YWHAE: variants seen among roughly 807,000 people sequenced by gnomAD.
YWHAE encodes the protein tyrosine 3-monooxygenase/tryptophan 5-monooxygenase activation protein epsilon, also known as 14-3-3 protein epsilon.
In YWHAE, 4 loss-of-function variants were observed where a neutral mutation model predicts 30.1. That is an observed-to-expected ratio of 0.13 (90% CI 0.07 to 0.30). The LOEUF (loss-of-function observed/expected upper bound fraction) is 0.30. YWHAE is among the 10% of genes least tolerant of loss of function. The pLI, the probability that YWHAE is intolerant of heterozygous loss-of-function variation, is 1.00. For missense variants in YWHAE, 121 were observed against 315.9 expected, an observed-to-expected ratio of 0.38 and a Z score of 4.68; for synonymous variants, 118 against 111.8, an observed-to-expected ratio of 1.06 and a Z score of -0.35.
rs11348283 is a variant in YWHAE, at chr17:1,347,171, CAAAA to C, written c.716-1676_716-1673del. On this transcript the variant is annotated intron_variant, in intron 5 of 5. Coordinates refer to ENST00000264335, the MANE Select transcript of YWHAE (RefSeq NM_006761.5). ...TGAAACCCTGTCTCTACTAAAAATA[CAAAA>C]AAAAAAAAAAAAAATTAGCCAGGCA... 1.4e-4 allele frequency among the ~76,000 whole-genome samples: 18 copies of C among 125,456 alleles called. No homozygotes were observed. The East Asian group carries it at 1.6e-3, about 11-fold the overall frequency. The allele number at this position is 125,456 out of a possible 152,430, so 82.3% of individuals were successfully genotyped here.
Position 1,347,372 on chromosome 17 carries a change from T to G in YWHAE, c.716-1873A>C, listed in dbSNP as rs538454765. On this transcript the variant is annotated intron_variant, in intron 5 of 5. Coordinates refer to ENST00000264335, the MANE Select transcript of YWHAE (RefSeq NM_006761.5). ...TACATACGCTGGGCATGGGGCCACA[T>G]GTCTATAGTCCCAGCTACTTGGGGG... Among the ~76,000 whole-genome samples the G allele has an allele frequency of 7.4e-5, 11 of 149,040 alleles. No individual in the cohort carries two copies. The South Asian group carries it at 2.4e-3, about 32-fold the overall frequency.
chr17:1,354,236 T>G lies in YWHAE; in HGVS notation c.690A>C (p.Leu230=). The G allele has an allele frequency of 6.2e-7, 1 of 1,614,010 alleles. No individual in the cohort carries two copies. The highest frequency in any genetic ancestry group is 8.5e-7 in the Non-Finnish European group (1 of 1,179,968). ...IMQLLRDNLT[L]WTSDMQGDGE... is the part of the protein sequence containing the mutation. Reference sequence around the variant, plus strand: ...CGTCACCCTGCATGTCTGAAGTCCATAGTGTCAGATTATCACGTAACAACT... The same window carrying G: ...CGTCACCCTGCATGTCTGAAGTCCAGAGTGTCAGATTATCACGTAACAACT... The change falls in exon 5 of 6, where the codon CTA becomes CTC. Residue 230 remains leucine, a synonymous_variant. Transcript: ENST00000264335.
chr17:1,353,107 C>G (rs1224539756), intron 5 of YWHAE, among the ~76,000 whole-genome samples: 2 of 152,136 alleles, frequency 1.3e-5, no homozygotes, highest in African/African-American at 2.4e-5. Context: ...ATTAAGTTTA[C>G]TAAAATACTC....
chr17:1,364,206 C>T (rs2072907754), intron 2 of YWHAE, among the ~76,000 whole-genome samples: 1 of 144,670 alleles, frequency 6.9e-6, no homozygotes, highest in South Asian at 2.2e-4. Flanking sequence ...GACAAATTAA[C>T]CCAATATATT....
At chr17:1,394,445 A>AAAAAAAAAACAAACAAAAAAC (rs1567987794) in intron 1 of YWHAE, among the ~76,000 whole-genome samples, 2 of 142,504 alleles carry the variant, frequency 1.4e-5, no homozygotes, top group African/African-American at 5.9e-5. Flanking sequence ...ACAAAAAAAA[A>AAAAAAAAAACAAACAAAAAAC]AAAAAAAAAA....
chr17:1,358,577 T>C (rs541183950), intron 4 of YWHAE, among the ~76,000 whole-genome samples: 54 of 148,964 alleles, frequency 3.6e-4, no homozygotes, highest in African/African-American at 1.2e-3. Flanking sequence ...CAGTGGCTCA[T>C]GCCTGTAATC....
chr17:1,391,806 CAA>C (rs368843553), intron 1 of YWHAE, among the ~76,000 whole-genome samples: 1 of 150,818 alleles, frequency 6.6e-6, no homozygotes, highest in Non-Finnish European at 1.5e-5. Flanking sequence ...CCCGTCTCCA[CAA>C]AAAAAAAGTT....
At chr17:1,382,033 G>A (rs1025603936) in intron 1 of YWHAE, among the ~76,000 whole-genome samples, 2 of 151,376 alleles carry the variant, frequency 1.3e-5, no homozygotes, top group African/African-American at 4.9e-5. Context: ...AGTTACTTGC[G>A]GCATAAGTAG....
intron 4 of YWHAE, among the ~76,000 whole-genome samples, chr17:1,356,163 C>G (rs1429392544): frequency 7.3e-6 from 1 of 136,508 alleles, no homozygotes. Context: ...AGCAAGACTC[C>G]GTCTAAAAAC....
chr17:1,370,142 T>G lies in YWHAE; in HGVS notation c.65-5084A>C, dbSNP rs1039114950. On this transcript the variant is annotated intron_variant, in intron 1 of 5. Coordinates refer to ENST00000264335, the MANE Select transcript of YWHAE (RefSeq NM_006761.5). ...AACTTTTTTTTTTTTTTTTTTTTTTTTTTGAGACGGAGTCTCGCTCTGTCA... is the reference window on the plus strand; with the variant it reads ...AACTTTTTTTTTTTTTTTTTTTTTTGTTTGAGACGGAGTCTCGCTCTGTCA... Among the ~76,000 whole-genome samples the G allele has an allele frequency of 7.6e-5, 11 of 145,354 alleles. No individual in the cohort carries two copies. In the South Asian group the frequency reaches 8.8e-4, roughly 12 times the overall value.
intron 1 of YWHAE, among the ~76,000 whole-genome samples, chr17:1,390,178 T>C (rs1457850256): frequency 1.3e-5 from 2 of 152,122 alleles, no homozygotes; most frequent in Non-Finnish European, 1.5e-5. Context: ...TCATCCCAAA[T>C]TCAGACAAAA....
At chr17:1,370,367 G>A (rs1350125690) in intron 1 of YWHAE, among the ~76,000 whole-genome samples, 6 of 151,794 alleles carry the variant, frequency 4.0e-5, no homozygotes, top group Admixed American at 2.6e-4. Flanking sequence ...TCCTGACCTT[G>A]TGATCCGCCC....
intron 4 of YWHAE, among the ~76,000 whole-genome samples, chr17:1,358,829 T>TAAAAAA (rs35681702): frequency 9.0e-6 from 1 of 111,352 alleles, no homozygotes. Flanking sequence ...GACTCCATCT[T>TAAAAAA]AAAAAAAAAA....
intron 1 of YWHAE, among the ~76,000 whole-genome samples, chr17:1,379,662 T>C (rs1379695398): frequency 6.6e-6 from 1 of 152,128 alleles, no homozygotes; most frequent in Non-Finnish European, 1.5e-5. Context: ...GCAAGAATAG[T>C]GATCACTAGT....
At chr17:1,367,016 G>T (rs2072955951) in intron 1 of YWHAE, among the ~76,000 whole-genome samples, 1 of 151,862 alleles carries the variant, frequency 6.6e-6, no homozygotes, top group Non-Finnish European at 1.5e-5. Flanking sequence ...AGGAAAATAT[G>T]TTTCAAAAAT....
chr17:1,348,913 C>G (rs892354495), intron 5 of YWHAE, among the ~76,000 whole-genome samples: 3 of 151,636 alleles, frequency 2.0e-5, no homozygotes, highest in African/African-American at 4.9e-5. Context: ...GTAGTCCCAG[C>G]TACCAGGAAG....
At chr17:1,387,956 C>T (rs1468161633) in intron 1 of YWHAE, among the ~76,000 whole-genome samples, 1 of 131,378 alleles carries the variant, frequency 7.6e-6, no homozygotes, top group African/African-American at 2.9e-5. Context: ...GACGGAGTCT[C>T]ACTCTGTCGT....
In YWHAE at chr17:1,357,479, C is replaced by T. The variant is rs987152633; in HGVS notation, c.579-3132G>A. Among the ~76,000 whole-genome samples, 22 of 151,464 alleles carry T rather than the reference C, an allele frequency of 1.5e-4. No homozygotes were observed. The East Asian group carries it at 4.3e-3, about 29-fold the overall frequency. ...CCTGTAGTACCAGCTACTTGGGAGG[C>T]TGAGGCGAGAGAATCGCCTGAACCC... On this transcript the variant is annotated intron_variant, in intron 4 of 5. Coordinates refer to ENST00000264335, the MANE Select transcript of YWHAE (RefSeq NM_006761.5).
At chr17:1,367,014 A>T (rs891555288) in intron 1 of YWHAE, among the ~76,000 whole-genome samples, 1 of 152,158 alleles carries the variant, frequency 6.6e-6, no homozygotes, top group Non-Finnish European at 1.5e-5. Flanking sequence ...CCAGGAAAAT[A>T]TGTTTCAAAA....
Sources: gnomAD v4.1 joint callset for allele counts (sites outside exome capture counted in the v4.1 genomes callset) on GRCh38, gnomAD v4.1.1 for gene constraint, MANE v1.5 for transcripts, NCBI Gene and HGNC (gene_info 2026-07-23, HGNC 2026-07-21) for gene names.